Variants in ITCH observed in about 807,000 individuals in gnomAD.
The protein encoded by ITCH is E3 ubiquitin-protein ligase Itchy homolog.
In ITCH, 28 loss-of-function variants were observed where a neutral mutation model predicts 126.8. The ratio of observed to expected loss-of-function variants is 0.22; its 90% CI spans 0.16 to 0.30. The LOEUF is 0.30. ITCH is among the 10% of genes least tolerant of loss of function. The probability of loss-of-function intolerance (pLI) is 1.00; values close to 1 mark genes in which losing one functional copy is unlikely to be tolerated. For missense variants in ITCH, 631 were observed against 1,032.4 expected (o/e 0.61, Z 5.33); for synonymous variants, 342 against 340.0 (o/e 1.01, Z -0.06).
Position 34,469,752 on chromosome 20 carries a change from C to CA in ITCH, c.1425-295dup, listed in dbSNP as rs1216128969. ...AGGAGGGAATTGATGTTGGGATAGACAGCATTCTCAGATAGAAACCCCTTT... is the reference window on the plus strand; with the variant it reads ...AGGAGGGAATTGATGTTGGGATAGACAAGCATTCTCAGATAGAAACCCCTTT... On this transcript the variant is annotated intron_variant, in intron 14 of 24. Coordinates refer to ENST00000374864, the MANE Select transcript of ITCH (RefSeq NM_031483.7). Among the ~76,000 whole-genome samples, 4 of 152,158 alleles carry CA rather than the reference C, an allele frequency of 2.6e-5. No homozygotes were observed. In the East Asian group the frequency reaches 7.7e-4, roughly 29 times the overall value.
At chr20:34,437,545 G>A (rs558036170) in intron 7 of ITCH, among the ~76,000 whole-genome samples, 67 of 152,282 alleles carry the variant, frequency 4.4e-4, no homozygotes, top group African/African-American at 1.6e-3. Flanking sequence ...GCGCTTAAGT[G>A]ATCCTTTCAC....
rs373940007 is a variant in ITCH at position 34,408,663 on chromosome 20, A to G, written c.83A>G (p.Lys28Arg). ...TTCTTTTACATAGTCATCTCAGCAA[A>G]ACTTAAGGAAAATAAGAAGAATTGG... is the stretch of plus-strand genomic sequence containing the variant. ...SQLQITVISAKLKENKKNWFG... is the reference protein window; with the variant it reads ...SQLQITVISARLKENKKNWFG... The change falls in exon 4 of 25, where the codon AAA (lysine) becomes AGA (arginine). Residue 28 changes from lysine to arginine, a missense_variant. This residue lies in a region of ITCH where 2 missense variants were observed against 17.6 expected (regional missense o/e 0.11). Coordinates refer to ENST00000374864, the MANE Select transcript of ITCH (RefSeq NM_031483.7). 2.4e-4 allele frequency: 395 copies of G among 1,613,326 alleles called. 1 individual carries two copies. Among genetic ancestry groups the G allele is most frequent in the Admixed American group, 6.2e-4 (37 of 60,002 alleles).
chr20:34,502,074 A>G (rs1990283555), intron 23 of ITCH, among the ~76,000 whole-genome samples: 1 of 152,224 alleles, frequency 6.6e-6, no homozygotes, highest in Non-Finnish European at 1.5e-5. Context: ...AAATAGGAAC[A>G]TAGGTACAAA....
chr20:34,477,749 T>G lies in ITCH; in HGVS notation c.1570-23T>G, dbSNP rs778210929. The G allele has an allele frequency of 3.1e-6, 5 of 1,610,238 alleles. No individual in the cohort carries two copies. The South Asian group carries it at 5.5e-5, about 18-fold the overall frequency. Reference sequence around the variant, plus strand: ...TGTTTCAATAGCTTTTTTCACCAATTATTTTACTTTATTTTTTTTTAGATA... The same window carrying G: ...TGTTTCAATAGCTTTTTTCACCAATGATTTTACTTTATTTTTTTTTAGATA... On this transcript the variant is annotated intron_variant, in intron 16 of 24. Coordinates refer to ENST00000374864, the MANE Select transcript of ITCH (RefSeq NM_031483.7).
chr20:34,392,751 G>T (rs2038529989), intron 2 of ITCH, among the ~76,000 whole-genome samples: 2 of 151,916 alleles, frequency 1.3e-5, no homozygotes, highest in Admixed American at 1.3e-4. Context: ...TTCCTCTGTT[G>T]CCCAGGCTGG....
chr20:34,494,132 G>A (rs2146525474), intron 23 of ITCH, among the ~76,000 whole-genome samples: 2 of 152,340 alleles, frequency 1.3e-5, no homozygotes, highest in Non-Finnish European at 2.9e-5. Context: ...GGAAGGCTGA[G>A]GCAGGGAGAA....
At position 34,471,505 on chromosome 20, in the gene ITCH, CCTT is replaced by C; in HGVS notation, c.1560_1562del (p.Phe521del). On this transcript the variant is annotated inframe_deletion, in exon 16 of 25. Coordinates refer to ENST00000374864, the MANE Select transcript of ITCH (RefSeq NM_031483.7). ...ACAAGAAAAACATTGTTTGAGGATT[CCTT>C]TCAACAGGTACTGTTTCATTCTCTC... 6.3e-7 allele frequency: 1 copy of C among 1,594,004 alleles called. No individual in the cohort carries two copies. Among genetic ancestry groups the C allele is most frequent in the Non-Finnish European group, 8.6e-7 (1 of 1,161,602 alleles).
intron 20 of ITCH, among the ~76,000 whole-genome samples, chr20:34,486,770 T>C (rs1989152510): frequency 6.6e-6 from 1 of 151,968 alleles, no homozygotes; most frequent in East Asian, 1.9e-4. Context: ...AAATCTTGCC[T>C]CACGGCAGCG....
Position 34,438,651 on chromosome 20 carries a change from A to G in ITCH, c.679+20A>G, listed in dbSNP as rs201851174. 288 of 1,613,134 alleles carry G rather than the reference A, an allele frequency of 1.8e-4. 2 individuals are homozygous for G. In the East Asian group the frequency reaches 5.0e-3, roughly 28 times the overall value. On this transcript the variant is annotated intron_variant, in intron 8 of 24. Coordinates refer to ENST00000374864, the MANE Select transcript of ITCH (RefSeq NM_031483.7). ...GACCAGGTTTGTATTCCAGCTCTCA[A>G]TACTCTTGGAAATAATGTCCTGGTT...
chr20:34,369,711 A>C (rs1167600094), intron 2 of ITCH, among the ~76,000 whole-genome samples: 1 of 152,170 alleles, frequency 6.6e-6, no homozygotes, highest in Non-Finnish European at 1.5e-5. Context: ...TCCCTTATAC[A>C]TATGCATACT....
chr20:34,454,413 A>T (rs1436230175), intron 12 of ITCH: 2 of 152,122 alleles, frequency 1.3e-5, no homozygotes, highest in African/African-American at 4.8e-5. Flanking sequence ...CTGGGATTAC[A>T]GGTGTGAGCC....
At chr20:34,450,229 A>ATGAAG (rs1364309971) in intron 12 of ITCH, among the ~76,000 whole-genome samples, 6 of 152,238 alleles carry the variant, frequency 3.9e-5, no homozygotes, top group African/African-American at 1.4e-4. Context: ...TCGGAGAAAA[A>ATGAAG]TGAAGTATAT....
intron 16 of ITCH, among the ~76,000 whole-genome samples, chr20:34,477,081 G>A (rs886443508): frequency 9.2e-5 from 14 of 152,042 alleles, no homozygotes; most frequent in African/African-American, 1.5e-4. Flanking sequence ...TTCATTTCTC[G>A]GTTAGCCAGT....
intron 23 of ITCH, among the ~76,000 whole-genome samples, chr20:34,499,221 G>A (rs527989232): frequency 1.1e-4 from 14 of 132,022 alleles, no homozygotes; most frequent in African/African-American, 3.1e-4. Flanking sequence ...TGATCCGCCC[G>A]CCTTGGACTC....
At chr20:34,469,310 A>G (rs1987400163) in intron 14 of ITCH, among the ~76,000 whole-genome samples, 1 of 151,080 alleles carries the variant, frequency 6.6e-6, no homozygotes, top group African/African-American at 2.4e-5. Context: ...TTTTTTTTAG[A>G]CGGAGTCTAG....
At chr20:34,496,526 C>A (rs1386412650) in intron 23 of ITCH, among the ~76,000 whole-genome samples, 1 of 152,108 alleles carries the variant, frequency 6.6e-6, no homozygotes. Context: ...TGGCTCAGGG[C>A]CAGGTGTGGT....
intron 7 of ITCH, among the ~76,000 whole-genome samples, chr20:34,429,091 C>A (rs1182808386): frequency 6.6e-6 from 1 of 152,150 alleles, no homozygotes; most frequent in Admixed American, 6.6e-5. Context: ...GCATGCACCA[C>A]CACGCCCAGC....
intron 14 of ITCH, among the ~76,000 whole-genome samples, chr20:34,468,833 A>T (rs908842147): frequency 2.0e-5 from 3 of 152,062 alleles, no homozygotes; most frequent in Non-Finnish European, 4.4e-5. Context: ...AAGATGTATA[A>T]ATTGGAAAGG....
Position 34,507,883 on chromosome 20 carries a change from A to G in ITCH, c.*89A>G, listed in dbSNP as rs567494780. The G allele has an allele frequency of 9.1e-5, 83 of 911,620 alleles. No individual in the cohort carries two copies. The highest frequency in any genetic ancestry group is 4.9e-4 in the African/African-American group (30 of 60,858). 56.5% of individuals were successfully genotyped at this position (911,620 alleles called of 1,614,324 possible). A position where few individuals can be genotyped will look rare whatever the true frequency, so the allele number is the denominator to read the frequency against. Reference sequence around the variant, plus strand: ...GTTGCACATCTTGTAAAATTGGACAATGGCTCTTTAGAGAGTTATCTGAGT... The same window carrying G: ...GTTGCACATCTTGTAAAATTGGACAGTGGCTCTTTAGAGAGTTATCTGAGT... On this transcript the variant is annotated 3_prime_UTR_variant, in exon 25 of 25. Coordinates refer to ENST00000374864, the MANE Select transcript of ITCH (RefSeq NM_031483.7).
Sources: gnomAD v4.1 joint callset for allele counts (sites outside exome capture counted in the v4.1 genomes callset) on GRCh38, gnomAD v4.1.1 for gene constraint, gnomAD v4.1.1 regional missense constraint, MANE v1.5 for transcripts, NCBI Gene and HGNC (gene_info 2026-07-23, HGNC 2026-07-21) for gene names.